The following BOLL variants were observed in gnomAD, a reference collection of about 807,000 sequenced individuals.
BOLL encodes boule RNA binding protein.
BOLL carries 23 observed loss-of-function variants against 44.4 expected under a neutral mutation model. That is an observed-to-expected ratio of 0.52 (90% CI 0.37 to 0.73). BOLL has a LOEUF of 0.73. Ranked by LOEUF, BOLL falls within the 30% of genes least tolerant of loss-of-function variation. The pLI is 0.00. For missense variants in BOLL, 287 were observed against 338.3 expected (o/e 0.85, Z 1.19); for synonymous variants, 97 against 110.8 (o/e 0.88, Z 0.78).
chr2:197,786,161 C>T (rs1404606609), upstream of BOLL: 4 of 1,141,010 alleles, frequency 3.5e-6, no homozygotes, highest in East Asian at 6.1e-5. The surrounding 1 kb of genome is among the most constrained non-coding windows in gnomAD (Gnocchi z 5.9). Flanking sequence ...AGGCTCGGAC[C>T]CCGGCCCTGA....
chr2:197,752,877 G>C (rs539592400), intron 9 of BOLL, among the ~76,000 whole-genome samples: 1 of 152,270 alleles, frequency 6.6e-6, no homozygotes, highest in Non-Finnish European at 1.5e-5. Context: ...CAAAGCTGGA[G>C]GCATCACGCT....
intron 2 of BOLL, among the ~76,000 whole-genome samples, chr2:197,780,808 T>C (rs2106392935): frequency 6.6e-6 from 1 of 152,012 alleles, no homozygotes; most frequent in South Asian, 2.1e-4. Context: ...ATGATAACTC[T>C]CCCTATAATT....
At chr2:197,731,319 C>T (rs1433592071) in intron 10 of BOLL, among the ~76,000 whole-genome samples, 1 of 147,830 alleles carries the variant, frequency 6.8e-6, no homozygotes, top group South Asian at 2.2e-4. Flanking sequence ...TAAAGCAAGT[C>T]CTGAGTGACC....
intron 10 of BOLL, among the ~76,000 whole-genome samples, chr2:197,737,343 A>G (rs151075703): frequency 8.0e-4 from 122 of 152,134 alleles, no homozygotes; most frequent in African/African-American, 2.9e-3. Context: ...TGTCATGAAC[A>G]CTTGATTCTC....
At chr2:197,730,027 G>A (rs1252747212) in intron 10 of BOLL, among the ~76,000 whole-genome samples, 1 of 147,978 alleles carries the variant, frequency 6.8e-6, no homozygotes, top group African/African-American at 2.5e-5. Context: ...GCTACGGGAG[G>A]ACATTCAAAC....
chr2:197,759,451 C>T lies in BOLL; in HGVS notation c.553-2051G>A, dbSNP rs142858297. Among the ~76,000 whole-genome samples, 102 of 152,238 alleles carry T rather than the reference C, an allele frequency of 6.7e-4. 1 individual carries two copies. Among genetic ancestry groups the T allele is most frequent in the African/African-American group, 2.4e-3 (101 of 41,554 alleles). On this transcript the variant is annotated intron_variant, in intron 7 of 10. Coordinates refer to ENST00000392296, the MANE Select transcript of BOLL (RefSeq NM_033030.6). ...GAATTAGGAGTACAAAGTGTGTACT[C>T]CCCACCCCCTCAACCCCACCCTGTG... is the stretch of plus-strand genomic sequence containing the variant.
intron 7 of BOLL, among the ~76,000 whole-genome samples, chr2:197,763,372 C>G (rs1688848011): frequency 6.6e-6 from 1 of 150,658 alleles, no homozygotes; most frequent in African/African-American, 2.4e-5. Context: ...GTCCCAGCTA[C>G]TCGGAAGGCT....
At position 197,727,111 on chromosome 2, in the gene BOLL, T is replaced by G. The variant is rs1010464835; in HGVS notation, c.*1444A>C. The G allele has an allele frequency of 6.6e-6, 1 of 152,434 alleles. No individual in the cohort carries two copies. The highest frequency in any genetic ancestry group is 1.9e-4 in the East Asian group (1 of 5,324). The allele number at this position is 152,434 out of a possible 1,614,324, so 9.4% of individuals were successfully genotyped here. On this transcript the variant is annotated 3_prime_UTR_variant, in exon 11 of 11. Transcript: ENST00000392296. ...TTACATTCCTAAAACTGAGAATAAT[T>G]AATGTATTTGAGATCCTTGTATGCT... is the stretch of plus-strand genomic sequence containing the variant.
intron 9 of BOLL, among the ~76,000 whole-genome samples, chr2:197,750,214 C>A (rs543524232): frequency 5.3e-5 from 8 of 152,150 alleles, no homozygotes; most frequent in African/African-American, 1.9e-4. Context: ...TAAAGACCAT[C>A]GACACTATAA....
At chr2:197,729,192 C>G (rs1687006906) in intron 10 of BOLL, among the ~76,000 whole-genome samples, 1 of 152,186 alleles carries the variant, frequency 6.6e-6, no homozygotes. Context: ...AGTTCCCTTT[C>G]TGAGTCAAAG....
rs1687068223 is a variant in BOLL at position 197,729,887 on chromosome 2, A to G, written c.829-1309T>C. Among the ~76,000 whole-genome samples the G allele has an allele frequency of 5.3e-5, 8 of 152,110 alleles. No individual in the cohort carries two copies. In the South Asian group the frequency reaches 1.5e-3, roughly 28 times the overall value. ...AAAAAACAGAACAGAAAAACTGGAA[A>G]CTCTAAAAAGCAGAGTGTCTCTCCT... On this transcript the variant is annotated intron_variant, in intron 10 of 10. Transcript: ENST00000392296.
intron 9 of BOLL, among the ~76,000 whole-genome samples, chr2:197,746,208 T>C (rs1181590912): frequency 6.6e-6 from 1 of 152,172 alleles, no homozygotes; most frequent in African/African-American, 2.4e-5. Flanking sequence ...GGAATGTAAA[T>C]TAGTATGGCC....
chr2:197,746,589 G>A (rs1453755869), intron 9 of BOLL, among the ~76,000 whole-genome samples: 2 of 152,242 alleles, frequency 1.3e-5, no homozygotes, highest in East Asian at 3.9e-4. Context: ...TGTGCAGAAC[G>A]TGAAAAAGTC....
intron 7 of BOLL, among the ~76,000 whole-genome samples, chr2:197,758,033 T>C (rs190500516): frequency 2.6e-4 from 40 of 152,270 alleles, no homozygotes; most frequent in Middle Eastern, 3.4e-3. Flanking sequence ...GTGGAGAAAT[T>C]AGAACCCTCA....
chr2:197,785,897 C>T (rs1559003916), upstream of BOLL: 11 of 1,154,520 alleles, frequency 9.5e-6, no homozygotes, highest in Non-Finnish European at 1.3e-5. This position sits in a 1 kb window ranked among gnomAD's most constrained non-coding sequence, Gnocchi z 6.7. Flanking sequence ...GCCTTCACCT[C>T]GCCCCTCCAA....
chr2:197,756,646 G>T, intron 8 of BOLL, 90 bp from the exon 9 acceptor site: 4 of 1,274,892 alleles, frequency 3.1e-6, no homozygotes, highest in East Asian at 5.7e-5. Flanking sequence ...AGAAGTACTT[G>T]TTTTTTATTT....
intron 8 of BOLL, among the ~76,000 whole-genome samples, 200 bp downstream of exon 8, chr2:197,757,153 T>A (rs1688553144): frequency 6.6e-6 from 1 of 152,094 alleles, no homozygotes. Context: ...TTCACAAAAA[T>A]CATGTAAGGA....
chr2:197,769,570 T>C (rs2106372420), intron 6 of BOLL, among the ~76,000 whole-genome samples: 2 of 152,310 alleles, frequency 1.3e-5, no homozygotes, highest in East Asian at 3.9e-4. Context: ...TGTCCCTCTT[T>C]GCAGATGACA....
chr2:197,731,359 A>G (rs959678388), intron 10 of BOLL, among the ~76,000 whole-genome samples: 4 of 146,552 alleles, frequency 2.7e-5, no homozygotes, highest in Non-Finnish European at 6.0e-5. Flanking sequence ...CCACACATTA[A>G]TAATGGGAGA....
Sources: gnomAD v4.1 joint callset for allele counts (sites outside exome capture counted in the v4.1 genomes callset) on GRCh38, gnomAD v4.1.1 for gene constraint, Gnocchi (gnomAD v3.1) non-coding constraint, MANE v1.5 for transcripts, NCBI Gene and HGNC (gene_info 2026-07-23, HGNC 2026-07-21) for gene names.